SUSD6: variants seen among roughly 807,000 people sequenced by gnomAD.
SUSD6 encodes sushi domain containing 6.
SUSD6 carries 16 observed loss-of-function variants against 28.4 expected under a neutral mutation model. The ratio of observed to expected loss-of-function variants is 0.56; its 90% confidence interval spans 0.38 to 0.86. The LOEUF (loss-of-function observed/expected upper bound fraction) is 0.86. SUSD6 is among the 40% of genes least tolerant of loss of function. The pLI, the probability that SUSD6 is intolerant of heterozygous loss-of-function variation, is 0.00. For synonymous variants in SUSD6, 147 were observed against 159.6 expected (o/e 0.92, Z 0.59); for missense variants, 341 against 384.2 (o/e 0.89, Z 0.94).
At chr14:69,686,752 A>G (rs1352894019) in intron 2 of SUSD6, among the ~76,000 whole-genome samples, 1 of 152,192 alleles carries the variant, frequency 6.6e-6, no homozygotes, top group Non-Finnish European at 1.5e-5. Context: ...CAGCATGGGA[A>G]AGACCTGCGC....
intron 2 of SUSD6, among the ~76,000 whole-genome samples, chr14:69,699,022 C>T (rs1886274578): frequency 6.6e-6 from 1 of 152,306 alleles, no homozygotes; most frequent in South Asian, 2.1e-4. Context: ...CAGATCAAGA[C>T]AGTTTCTTGC....
chr14:69,644,943 C>T (rs773501629), intron 1 of SUSD6, among the ~76,000 whole-genome samples: 52 of 152,092 alleles, frequency 3.4e-4, no homozygotes, highest in Non-Finnish European at 1.0e-4. Flanking sequence ...GTATAGGTGG[C>T]GGCAGGGGCA....
At chr14:69,619,798 C>T (rs1389318936) in intron 1 of SUSD6, among the ~76,000 whole-genome samples, 2 of 151,934 alleles carry the variant, frequency 1.3e-5, no homozygotes, top group Non-Finnish European at 1.5e-5. Flanking sequence ...AAAAAACCAC[C>T]TGACCCCAGG....
rs1190033519 is a variant in SUSD6, at chr14:69,683,730, C to T, written c.122-19665C>T. 2.0e-5 allele frequency among the ~76,000 whole-genome samples: 3 copies of T among 152,090 alleles called. No homozygotes were observed. In the East Asian group the frequency reaches 5.8e-4, roughly 29 times the overall value. ...CATTTAGACTTGTAGAAAGTGGCAG[C>T]CTTTGGACGATTCTGAAAAGAAATC... On this transcript the variant is annotated intron_variant, in intron 2 of 5. Transcript: ENST00000342745.
At chr14:69,613,480 C>G (rs534394119) in intron 1 of SUSD6, among the ~76,000 whole-genome samples, 6 of 152,224 alleles carry the variant, frequency 3.9e-5, no homozygotes, top group African/African-American at 1.4e-4. Flanking sequence ...TACACACTTA[C>G]GGTATGTTTG....
chr14:69,706,895 T>G (rs1886394736), intron 4 of SUSD6, among the ~76,000 whole-genome samples: 1 of 152,150 alleles, frequency 6.6e-6, no homozygotes, highest in Non-Finnish European at 1.5e-5. Context: ...TTTCTTGAAT[T>G]GATGAGCTGA....
intron 2 of SUSD6, among the ~76,000 whole-genome samples, chr14:69,669,488 T>G (rs928810925): frequency 3.9e-5 from 6 of 152,238 alleles, no homozygotes; most frequent in Non-Finnish European, 8.8e-5. Flanking sequence ...AAACATATCC[T>G]GACATTAGAG....
rs1016341726 is a variant in SUSD6 at position 69,676,560 on chromosome 14, T to A, written c.121+17847T>A. Among the ~76,000 whole-genome samples, 8 of 152,214 alleles carry A rather than the reference T, an allele frequency of 5.3e-5. No individual in the cohort carries two copies. In the South Asian group the frequency reaches 6.2e-4, roughly 12 times the overall value. On this transcript the variant is annotated intron_variant, in intron 2 of 5. Coordinates refer to ENST00000342745, the MANE Select transcript of SUSD6 (RefSeq NM_014734.4). ...ATGCCTGGCTAATGTTTTTATTTTT[T>A]AAAAAAATTGTTTTTTTAGAGATGA...
At position 69,713,403 on chromosome 14, in the gene SUSD6, G is replaced by A. The variant is rs867764349; in HGVS notation, c.*2424G>A. The stretch of plus-strand genomic sequence containing the variant: ...CCTCCTTCTTGTCACTGGCTTTGAT[G>A]AGGCCCACTTCCCAGAGGCTCCTGG... On this transcript the variant is annotated 3_prime_UTR_variant, in exon 6 of 6. Transcript: ENST00000342745. 6.6e-6 allele frequency: 1 copy of A among 152,320 alleles called. No individual in the cohort carries two copies. Among genetic ancestry groups the A allele is most frequent in the South Asian group, 2.1e-4 (1 of 4,836 alleles). 9.4% of individuals were successfully genotyped at this position (152,320 alleles called of 1,614,324 possible).
intron 2 of SUSD6, among the ~76,000 whole-genome samples, chr14:69,677,569 G>A (rs1462449884): frequency 1.3e-5 from 2 of 150,972 alleles, no homozygotes; most frequent in African/African-American, 2.4e-5. Flanking sequence ...AAAAAGAAAA[G>A]TGTTTTTACA....
chr14:69,677,334 A>G (rs942948664), intron 2 of SUSD6, among the ~76,000 whole-genome samples: 14 of 152,186 alleles, frequency 9.2e-5, no homozygotes, highest in South Asian at 4.1e-4. Context: ...TCACAAGGTC[A>G]GGAGATCGAG....
chr14:69,670,995 G>A (rs1021918973), intron 2 of SUSD6, among the ~76,000 whole-genome samples: 1 of 152,206 alleles, frequency 6.6e-6, no homozygotes, highest in Non-Finnish European at 1.5e-5. Context: ...TTTCAAAAAA[G>A]AAAAATAAAG....
chr14:69,646,613 TA>T (rs1885429774), intron 1 of SUSD6, among the ~76,000 whole-genome samples: 2 of 152,134 alleles, frequency 1.3e-5, no homozygotes, highest in African/African-American at 4.8e-5. Context: ...CAAACCTGCT[TA>T]TTCACCTGTA....
intron 2 of SUSD6, among the ~76,000 whole-genome samples, chr14:69,695,451 TA>T (rs1566605897): frequency 1.3e-5 from 2 of 152,236 alleles, no homozygotes; most frequent in African/African-American, 4.8e-5. Context: ...CCGCCAACTT[TA>T]GACAAATTTG....
At chr14:69,658,823 G>C in intron 2 of SUSD6, 110 bp downstream of exon 2, 1 of 1,421,484 alleles carries the variant, frequency 7.0e-7, no homozygotes, top group East Asian at 2.3e-5. Context: ...TTCAGGGAGA[G>C]CAGAGGGTGG....
At chr14:69,669,117 G>A (rs1885791851) in intron 2 of SUSD6, among the ~76,000 whole-genome samples, 1 of 137,356 alleles carries the variant, frequency 7.3e-6, no homozygotes, top group South Asian at 2.3e-4. Flanking sequence ...AGGCTGGAGT[G>A]CAGTGGCGCG....
chr14:69,682,947 CTTTTTTTTTTTT>C (rs5809442), intron 2 of SUSD6, among the ~76,000 whole-genome samples: 1 of 62,668 alleles, frequency 1.6e-5, no homozygotes, highest in African/African-American at 4.8e-5. Context: ...TCCAAGAAGC[CTTTTTTTTTTTT>C]TTTTTTTTTT....
At chr14:69,638,370 C>G (rs1885295525) in intron 1 of SUSD6, among the ~76,000 whole-genome samples, 1 of 151,200 alleles carries the variant, frequency 6.6e-6, no homozygotes, top group Non-Finnish European at 1.5e-5. Context: ...AAGTAATCTA[C>G]CCCCATCACT....
intron 2 of SUSD6, among the ~76,000 whole-genome samples, chr14:69,660,668 A>G (rs966182586): frequency 1.3e-5 from 2 of 152,214 alleles, no homozygotes; most frequent in African/African-American, 4.8e-5. Flanking sequence ...GCCAAATCCT[A>G]CCTGCCATCT....
Sources: gnomAD v4.1 joint callset for allele counts (sites outside exome capture counted in the v4.1 genomes callset) on GRCh38, gnomAD v4.1.1 for gene constraint, MANE v1.5 for transcripts, NCBI Gene and HGNC (gene_info 2026-07-23, HGNC 2026-07-21) for gene names.